Variants in TMEM117 observed in about 807,000 individuals in gnomAD.
The protein encoded by TMEM117 is transmembrane protein 117.
TMEM117 carries 27 observed loss-of-function variants against 52.4 expected under a neutral mutation model. That is an observed-to-expected ratio of 0.51 (90% confidence interval 0.38 to 0.71). The LOEUF (loss-of-function observed/expected upper bound fraction) is 0.71. Ranked by LOEUF, TMEM117 falls within the 30% of genes least tolerant of loss-of-function variation. The pLI is 0.00. For synonymous variants in TMEM117, 215 were observed against 206.3 expected, an observed-to-expected ratio of 1.04 and a Z score of -0.36; for missense variants, 556 against 630.5, an observed-to-expected ratio of 0.88 and a Z score of 1.26.
chr12:43,858,444 A>G (rs554571898), intron 2 of TMEM117, among the ~76,000 whole-genome samples: 1 of 152,198 alleles, frequency 6.6e-6, no homozygotes, highest in Non-Finnish European at 1.5e-5. Context: ...ACTTTTGGTT[A>G]AAGAAAGTCA....
In TMEM117 at chr12:44,217,213, G is replaced by C. The variant is rs569022378; in HGVS notation, c.608+5826G>C. ...TAATAGTATTAGTAACTAGTAGTTT[G>C]ACGTCCTCTACAGAGCAACTCATTT... On this transcript the variant is annotated intron_variant, in intron 5 of 7. Transcript: ENST00000266534. 2.0e-5 allele frequency among the ~76,000 whole-genome samples: 3 copies of C among 152,272 alleles called. No homozygotes were observed. The South Asian group carries it at 6.2e-4, about 32-fold the overall frequency.
chr12:43,937,745 A>T (rs1345947288), intron 2 of TMEM117, among the ~76,000 whole-genome samples: 15 of 151,586 alleles, frequency 9.9e-5, no homozygotes, highest in African/African-American at 1.9e-4. Context: ...CTTTTTTTTT[A>T]AAATCCACTG....
At chr12:44,285,551 A>G (rs149849506) in intron 5 of TMEM117, among the ~76,000 whole-genome samples, 16 of 152,336 alleles carry the variant, frequency 1.1e-4, no homozygotes, top group African/African-American at 3.4e-4. Flanking sequence ...TGCTCCCTCG[A>G]CATTTCCTGA....
intron 3 of TMEM117, among the ~76,000 whole-genome samples, chr12:43,945,578 C>T (rs1380286690): frequency 1.3e-5 from 2 of 152,160 alleles, no homozygotes; most frequent in African/African-American, 4.8e-5. Context: ...CCGCTTTGGC[C>T]TCCCAAAGTG....
intron 2 of TMEM117, among the ~76,000 whole-genome samples, chr12:43,861,573 T>C (rs534353665): frequency 9.6e-4 from 146 of 152,320 alleles, no homozygotes; most frequent in African/African-American, 3.2e-3. Flanking sequence ...ACAGATCAAA[T>C]TGAATATGAA....
intron 3 of TMEM117, among the ~76,000 whole-genome samples, chr12:44,057,436 C>A (rs991492159): frequency 6.6e-6 from 1 of 152,024 alleles, no homozygotes; most frequent in African/African-American, 2.4e-5. Context: ...AGTAACTGTT[C>A]TGTGAATACC....
intron 6 of TMEM117, among the ~76,000 whole-genome samples, chr12:44,353,117 T>A (rs1951589883): frequency 6.6e-6 from 1 of 152,224 alleles, no homozygotes; most frequent in African/African-American, 2.4e-5. Context: ...TCTGTTCATA[T>A]CCTTTGCCCA....
At chr12:43,940,198 C>T (rs1323894348) in intron 2 of TMEM117, among the ~76,000 whole-genome samples, 1 of 152,168 alleles carries the variant, frequency 6.6e-6, no homozygotes, top group Non-Finnish European at 1.5e-5. Context: ...TCTTTATGAA[C>T]CCAGAAGCCC....
intron 4 of TMEM117, among the ~76,000 whole-genome samples, chr12:44,196,575 A>G (rs943940022): frequency 3.9e-5 from 6 of 152,212 alleles, no homozygotes; most frequent in Non-Finnish European, 8.8e-5. Context: ...ACTTGATGTA[A>G]TCTTAAAAAT....
At chr12:44,060,310 GA>G (rs1947119873) in intron 3 of TMEM117, among the ~76,000 whole-genome samples, 2 of 152,184 alleles carry the variant, frequency 1.3e-5, no homozygotes, top group South Asian at 4.1e-4. Flanking sequence ...ATTTTCTGGG[GA>G]AAGTTTGGGG....
In TMEM117 at chr12:43,948,201, C is replaced by T. The variant is rs1372265592; in HGVS notation, c.410+3859C>T. 3.3e-5 allele frequency among the ~76,000 whole-genome samples: 5 copies of T among 152,076 alleles called. No homozygotes were observed. In the East Asian group the frequency reaches 9.7e-4, roughly 29 times the overall value. On this transcript the variant is annotated intron_variant, in intron 3 of 7. Coordinates refer to ENST00000266534, the MANE Select transcript of TMEM117 (RefSeq NM_032256.3). ...GAGCTAAAAAGGATCAAGGCTCAGACAATCCATATTTGTAGCACCACGAGG... is the reference window on the plus strand; with the variant it reads ...GAGCTAAAAAGGATCAAGGCTCAGATAATCCATATTTGTAGCACCACGAGG...
chr12:43,983,908 G>C (rs1945803826), intron 3 of TMEM117, among the ~76,000 whole-genome samples: 1 of 151,834 alleles, frequency 6.6e-6, no homozygotes, highest in South Asian at 2.1e-4. Flanking sequence ...TTAATAATAG[G>C]TACTTTTTCA....
the TMEM117 span, among the ~76,000 whole-genome samples, chr12:43,808,909 T>C: frequency 1.3e-5 from 2 of 152,142 alleles, no homozygotes; most frequent in South Asian, 4.2e-4. Context: ...TGACCAATCT[T>C]ATGTTTTGCA....
chr12:44,036,960 T>C (rs764840185), intron 3 of TMEM117, among the ~76,000 whole-genome samples: 8 of 152,202 alleles, frequency 5.3e-5, no homozygotes, highest in Admixed American at 1.3e-4. Context: ...TCTTTTCATA[T>C]TTATTGATCT....
At chr12:44,335,459 T>A (rs1394553716) in intron 6 of TMEM117, among the ~76,000 whole-genome samples, 2 of 152,074 alleles carry the variant, frequency 1.3e-5, no homozygotes, top group East Asian at 3.9e-4. Context: ...TCAGGTAAGA[T>A]GATACTTGTA....
chr12:43,829,235 T>C, the TMEM117 span, among the ~76,000 whole-genome samples: 1 of 152,214 alleles, frequency 6.6e-6, no homozygotes, highest in Non-Finnish European at 1.5e-5. Context: ...AGTTTTATTT[T>C]CCCGTTTCAG....
chr12:43,841,407 C>A (rs1209097873), intron 1 of TMEM117, among the ~76,000 whole-genome samples: 1 of 152,136 alleles, frequency 6.6e-6, no homozygotes, highest in African/African-American at 2.4e-5. Flanking sequence ...TGTAATGTGG[C>A]AGTGATAGTA....
At chr12:44,131,526 CT>C (rs1948413901) in intron 3 of TMEM117, among the ~76,000 whole-genome samples, 1 of 151,962 alleles carries the variant, frequency 6.6e-6, no homozygotes, top group African/African-American at 2.4e-5. Flanking sequence ...TATTTAAATC[CT>C]TTATATCCTT....
At chr12:44,118,296 G>C (rs1195620430) in intron 3 of TMEM117, among the ~76,000 whole-genome samples, 2 of 152,144 alleles carry the variant, frequency 1.3e-5, no homozygotes, top group Non-Finnish European at 2.9e-5. Flanking sequence ...GATTTGAAGA[G>C]AATGACATGT....
Sources: allele counts gnomAD v4.1 joint callset (sites outside exome capture counted in the v4.1 genomes callset), GRCh38; gene constraint gnomAD v4.1.1; transcripts MANE v1.5; gene names NCBI Gene and HGNC (gene_info 2026-07-23, HGNC 2026-07-21).